Variants in TNIK observed in about 807,000 individuals in gnomAD.
TNIK encodes the protein TRAF2 and NCK interacting kinase, also known as TRAF2 and NCK-interacting protein kinase.
TNIK carries 49 observed loss-of-function variants against 191.3 expected under a neutral mutation model. That is an observed-to-expected ratio of 0.26 (90% CI 0.20 to 0.32). TNIK has a LOEUF of 0.32. Ranked by LOEUF, TNIK falls within the 10% of genes least tolerant of loss-of-function variation. The pLI, the probability that TNIK is intolerant of heterozygous loss-of-function variation, is 1.00. For synonymous variants in TNIK, 594 were observed against 600.9 expected, an observed-to-expected ratio of 0.99 and a Z score of 0.17; for missense variants, 1,155 against 1,702.3, an observed-to-expected ratio of 0.68 and a Z score of 5.66.
Position 171,460,146 on chromosome 3 carries a change from C to G in TNIK, c.-83G>C. On this transcript the variant is annotated 5_prime_UTR_variant, in exon 1 of 33. Transcript: ENST00000436636. This position sits in a 1 kb window ranked among gnomAD's most constrained non-coding sequence, Gnocchi z 6.8. ...ATTCCACCTTGGTCTATTTCACTCGCGTCCTCATGCGGGTGTCGCGCCAGA... is the reference window on the plus strand; with the variant it reads ...ATTCCACCTTGGTCTATTTCACTCGGGTCCTCATGCGGGTGTCGCGCCAGA... 1 of 1,519,528 alleles carries G rather than the reference C, an allele frequency of 6.6e-7. No individual in the cohort carries two copies. The highest frequency in any genetic ancestry group is 8.9e-7 in the Non-Finnish European group (1 of 1,122,554). The allele number at this position is 1,519,528 out of a possible 1,614,324, so 94.1% of individuals were successfully genotyped here. A position where few individuals can be genotyped will look rare whatever the true frequency, so the allele number is the denominator to read the frequency against.
rs148499254 is a variant in TNIK, at chr3:171,185,178, CGTGTGTGTGTGTGTGTGTGTGTGT to C, written c.639+3500_639+3523del. On this transcript the variant is annotated intron_variant, in intron 7 of 32. Transcript: ENST00000436636. ...TTTTCCAGGTTCTTTATAGATTTCC[CGTGTGTGTGTGTGTGTGTGTGTGT>C]GTGTGTGTGTGTGTCTATGGGGTGG... Among the ~76,000 whole-genome samples, 102 of 145,976 alleles carry C rather than the reference CGTGTGTGTGTGTGTGTGTGTGTGT, an allele frequency of 7.0e-4. 1 individual carries two copies. The Middle Eastern group carries it at 0.024, about 35-fold the overall frequency.
rs1178909925 is a variant in TNIK at position 171,110,959 on chromosome 3, C to T, written c.2121-82G>A. 3 of 1,355,372 alleles carry T rather than the reference C, an allele frequency of 2.2e-6. No individual in the cohort carries two copies. The East Asian group carries it at 8.1e-5, about 37-fold the overall frequency. The allele number at this position is 1,355,372 out of a possible 1,614,324, so 84.0% of individuals were successfully genotyped here. A position where few individuals can be genotyped will look rare whatever the true frequency, so the allele number is the denominator to read the frequency against. ...ATCACATATCTGATAAGGTTTAATA[C>T]CCAAAATATGTAAGGAACTCAAAAC... On this transcript the variant is annotated intron_variant, in intron 18 of 32. Coordinates refer to ENST00000436636, the MANE Select transcript of TNIK (RefSeq NM_015028.4).
chr3:171,097,248 C>T (rs1448401646), intron 22 of TNIK, among the ~76,000 whole-genome samples: 1 of 152,158 alleles, frequency 6.6e-6, no homozygotes, highest in Non-Finnish European at 1.5e-5. Context: ...GGCAAAAAGG[C>T]ATTGATCTAA....
chr3:171,347,303 C>T, intron 2 of TNIK: 1 of 1,412,634 alleles, frequency 7.1e-7, no homozygotes, highest in Non-Finnish European at 9.5e-7. Context: ...TTCTCTTTGA[C>T]AGCCAAGCTA....
At chr3:171,076,182 C>G (rs574220136) in intron 28 of TNIK, among the ~76,000 whole-genome samples, 12 of 151,974 alleles carry the variant, frequency 7.9e-5, no homozygotes, top group African/African-American at 2.9e-4. Flanking sequence ...TTCTCAGGCA[C>G]CAAACCTTCA....
intron 1 of TNIK, among the ~76,000 whole-genome samples, chr3:171,383,748 G>A (rs531263442): frequency 6.6e-6 from 1 of 152,274 alleles, no homozygotes; most frequent in East Asian, 1.9e-4. Context: ...GGTCATCTTG[G>A]GGTAATTCTG....
chr3:171,297,889 C>G (rs1182074106), intron 2 of TNIK, among the ~76,000 whole-genome samples: 1 of 151,964 alleles, frequency 6.6e-6, no homozygotes, highest in Non-Finnish European at 1.5e-5. Flanking sequence ...TTTTGCACTT[C>G]TAAAGAGTGG....
intron 1 of TNIK, among the ~76,000 whole-genome samples, chr3:171,453,408 G>A (rs1298085531): frequency 6.6e-6 from 1 of 152,116 alleles, no homozygotes; most frequent in Non-Finnish European, 1.5e-5. Context: ...AGGAGACTAA[G>A]ACAGAGCGCC....
chr3:171,378,354 T>C (rs950288369), intron 1 of TNIK, among the ~76,000 whole-genome samples: 4 of 152,220 alleles, frequency 2.6e-5, no homozygotes, highest in African/African-American at 9.6e-5. Context: ...ACTTTGGGCA[T>C]GTTATTTAAT....
intron 9 of TNIK, among the ~76,000 whole-genome samples, chr3:171,173,861 A>C (rs1735641346): frequency 6.6e-6 from 1 of 152,104 alleles, no homozygotes; most frequent in African/African-American, 2.4e-5. Context: ...TGTCACTGTC[A>C]CTTCCAGGGA....
At chr3:171,323,741 G>A (rs1261246684) in intron 2 of TNIK, among the ~76,000 whole-genome samples, 1 of 152,116 alleles carries the variant, frequency 6.6e-6, no homozygotes, top group Non-Finnish European at 1.5e-5. Flanking sequence ...ATACTGCACA[G>A]GAATCCAAGT....
chr3:171,214,920 G>A (rs913460275), intron 3 of TNIK, among the ~76,000 whole-genome samples: 1 of 152,130 alleles, frequency 6.6e-6, no homozygotes, highest in Admixed American at 6.6e-5. Flanking sequence ...CAAGATCACA[G>A]GATCTACTTA....
At chr3:171,121,386 A>G (rs1472260722) in intron 18 of TNIK, among the ~76,000 whole-genome samples, 1 of 152,190 alleles carries the variant, frequency 6.6e-6, no homozygotes, top group South Asian at 2.1e-4. Context: ...ATACTGACTC[A>G]GGGCTTAGCC....
At chr3:171,135,728 G>A (rs1191325686) in intron 15 of TNIK, among the ~76,000 whole-genome samples, 13 of 152,214 alleles carry the variant, frequency 8.5e-5, no homozygotes, top group Non-Finnish European at 1.9e-4. Context: ...GACTTATGGT[G>A]ACTGGGAAAC....
intron 19 of TNIK, among the ~76,000 whole-genome samples, chr3:171,110,380 A>G (rs1275337483): frequency 6.6e-6 from 1 of 152,244 alleles, no homozygotes; most frequent in Non-Finnish European, 1.5e-5. Context: ...TTGTGGGTAC[A>G]TGAAACTCTA....
At chr3:171,390,773 T>C (rs1260341551) in intron 1 of TNIK, among the ~76,000 whole-genome samples, 3 of 152,222 alleles carry the variant, frequency 2.0e-5, no homozygotes, top group African/African-American at 7.2e-5. Flanking sequence ...CTTCATGAGA[T>C]AACTGTGCTG....
chr3:171,123,266 C>G (rs1488099033), intron 18 of TNIK, among the ~76,000 whole-genome samples: 2 of 152,208 alleles, frequency 1.3e-5, no homozygotes, highest in African/African-American at 4.8e-5. Flanking sequence ...AAACTGATCT[C>G]TGAAGTAATG....
At chr3:171,242,506 A>G (rs1577226009) in intron 2 of TNIK, among the ~76,000 whole-genome samples, 1 of 150,820 alleles carries the variant, frequency 6.6e-6, no homozygotes, top group African/African-American at 2.5e-5. Context: ...GATCAGTATC[A>G]ATCTGCATTT....
chr3:171,339,052 AC>A (rs1225847012), intron 2 of TNIK, among the ~76,000 whole-genome samples: 56 of 152,296 alleles, frequency 3.7e-4, no homozygotes, highest in African/African-American at 1.1e-3. Flanking sequence ...CATCCCTTTA[AC>A]AAACCTTTAT....
Sources: gnomAD v4.1 joint callset for allele counts (sites outside exome capture counted in the v4.1 genomes callset) on GRCh38, gnomAD v4.1.1 for gene constraint, Gnocchi (gnomAD v3.1) non-coding constraint, MANE v1.5 for transcripts, NCBI Gene and HGNC (gene_info 2026-07-23, HGNC 2026-07-21) for gene names.